The following PTPRS variants were observed in gnomAD, a reference collection of about 807,000 sequenced individuals.
The protein encoded by PTPRS is protein tyrosine phosphatase receptor type S.
Under a neutral mutation model 215.3 loss-of-function variants are expected in PTPRS, and 63 were observed. The observed-to-expected ratio is 0.29, with a 90% CI of 0.24 to 0.36. The LOEUF (loss-of-function observed/expected upper bound fraction) is 0.36, where lower values mean the gene tolerates loss of function less well. PTPRS is among the 10% of genes least tolerant of loss of function. The pLI is 1.00. For synonymous variants in PTPRS, 1,404 were observed against 1,191.4 expected, an observed-to-expected ratio of 1.18 and a Z score of -3.68; for missense variants, 2,258 against 2,825.8, an observed-to-expected ratio of 0.80 and a Z score of 4.56.
chr19:5,227,366 A>G (rs943546174), intron 16 of PTPRS, among the ~76,000 whole-genome samples: 1 of 144,368 alleles, frequency 6.9e-6, no homozygotes, highest in African/African-American at 2.6e-5. Flanking sequence ...CTGATTTTTA[A>G]ATGTTTATTT....
chr19:5,318,349 AAAG>A (rs538085602), intron 1 of PTPRS, among the ~76,000 whole-genome samples: 100 of 152,024 alleles, frequency 6.6e-4, no homozygotes, highest in African/African-American at 1.7e-3. Context: ...AAAAAAAAAA[AAAG>A]AAGAAGAAGA....
chr19:5,235,854 A>G (rs763409704), intron 13 of PTPRS, among the ~76,000 whole-genome samples: 1 of 152,188 alleles, frequency 6.6e-6, no homozygotes, highest in Non-Finnish European at 1.5e-5. Flanking sequence ...CTGTGTGTTA[A>G]AGGCTTATGA....
intron 13 of PTPRS, among the ~76,000 whole-genome samples, chr19:5,231,882 C>G (rs1334351655): frequency 6.6e-6 from 1 of 152,104 alleles, no homozygotes; most frequent in Non-Finnish European, 1.5e-5. Flanking sequence ...ACGTGGTGCA[C>G]AGTAGGTCTT....
intron 1 of PTPRS, among the ~76,000 whole-genome samples, chr19:5,304,400 AATC>A (rs2049408919): frequency 6.6e-6 from 1 of 152,102 alleles, no homozygotes; most frequent in Non-Finnish European, 1.5e-5. Context: ...GGATCGCTTG[AATC>A]CAGGAGGTAG....
At chr19:5,281,705 G>A (rs190309559) in intron 2 of PTPRS, among the ~76,000 whole-genome samples, 8 of 152,290 alleles carry the variant, frequency 5.3e-5, no homozygotes, top group African/African-American at 1.4e-4. Flanking sequence ...CACTGTGGCC[G>A]GGTCAAGAAT....
rs1437876806 is a variant in PTPRS, at chr19:5,210,147, CCCTCAAGT to C, written c.5487+314_5487+321del. On this transcript the variant is annotated intron_variant, in intron 35 of 37. Transcript: ENST00000262963. This position sits in a 1 kb window ranked among gnomAD's most constrained non-coding sequence, Gnocchi z 4.5. ...CCGTCTACCACCCCTCACCCTCAATCCCTCAAGTCCCTTTCAGCCCTTTAACATCATCC... is the reference window on the plus strand; with the variant it reads ...CCGTCTACCACCCCTCACCCTCAATCCCCTTTCAGCCCTTTAACATCATCC... Among the ~76,000 whole-genome samples, 10 of 152,200 alleles carry C rather than the reference CCCTCAAGT, an allele frequency of 6.6e-5. No individual in the cohort carries two copies. The highest frequency in any genetic ancestry group is 2.4e-4 in the African/African-American group (10 of 41,450).
chr19:5,333,010 G>T (rs1438952395), intron 1 of PTPRS, among the ~76,000 whole-genome samples: 1 of 151,850 alleles, frequency 6.6e-6, no homozygotes, highest in Non-Finnish European at 1.5e-5. Context: ...TTAGCCAGAT[G>T]TGGTGGCGGG....
intron 9 of PTPRS, among the ~76,000 whole-genome samples, chr19:5,247,499 AG>A (rs1295320921): frequency 2.6e-5 from 4 of 152,190 alleles, no homozygotes; most frequent in Non-Finnish European, 5.9e-5. Flanking sequence ...TCCTTCTAGC[AG>A]GAAAAGGGGT....
chr19:5,232,973 G>C (rs2043142615), intron 13 of PTPRS, among the ~76,000 whole-genome samples: 1 of 150,486 alleles, frequency 6.6e-6, no homozygotes. Flanking sequence ...CATGCCAAGG[G>C]GAGCGGCAAC....
chr19:5,285,823 A>G (rs2048306242), intron 2 of PTPRS, among the ~76,000 whole-genome samples: 1 of 152,210 alleles, frequency 6.6e-6, no homozygotes, highest in Admixed American at 6.5e-5. Flanking sequence ...CATCATCATT[A>G]CGGTTATTAC....
At chr19:5,300,523 C>G (rs113466007) in intron 1 of PTPRS, among the ~76,000 whole-genome samples, 117 of 151,996 alleles carry the variant, frequency 7.7e-4, no homozygotes, top group African/African-American at 2.6e-3. Context: ...GTAATCCCAA[C>G]ACTTTGGGAG....
At chr19:5,316,365 C>T (rs1225327041) in intron 1 of PTPRS, among the ~76,000 whole-genome samples, 1 of 152,172 alleles carries the variant, frequency 6.6e-6, no homozygotes, top group South Asian at 2.1e-4. Flanking sequence ...CCTCTTGCCC[C>T]AGATTTGCTG....
rs756585549 is a variant in PTPRS at position 5,212,106 on chromosome 19, G to A, written c.4914C>T (p.Tyr1638=). ...CCAGCAGGGCCTCGTGGATGAAGCT[G>A]TACTGGTCCTCCGTCTGCACCATGT... ...RNYMVQTEDQ[Y]SFIHEALLEA... Residue 1638 remains tyrosine, a synonymous_variant, in exon 32 of 38, where the codon TAC becomes TAT. Transcript: ENST00000262963. The A allele has an allele frequency of 2.5e-6, 4 of 1,614,116 alleles. No individual in the cohort carries two copies. Among genetic ancestry groups the A allele is most frequent in the African/African-American group, 2.7e-5 (2 of 75,086 alleles).
Position 5,222,212 on chromosome 19 carries a change from T to G in PTPRS, c.3112A>C (p.Lys1038Gln). 2.5e-6 allele frequency: 4 copies of G among 1,613,614 alleles called. No individual in the cohort carries two copies. The highest frequency in any genetic ancestry group is 3.4e-6 in the Non-Finnish European group (4 of 1,179,850). ...RTFLRDQVSPKNFKVKMIMKT... is the reference protein window; with the variant it reads ...RTFLRDQVSPQNFKVKMIMKT... ...ATGATCATTTTCACCTTGAAGTTCT[T>G]GGGCGAGACTGCCGGGGAGGCGGCC... is the stretch of plus-strand genomic sequence containing the variant. Residue 1038 changes from lysine to glutamine, a missense_variant, in exon 19 of 38, where the codon AAG (lysine) becomes CAG (glutamine). Coordinates refer to ENST00000262963, the MANE Select transcript of PTPRS (RefSeq NM_002850.4).
At position 5,223,241 on chromosome 19, in the gene PTPRS, G is replaced by A. The variant is rs763535247; in HGVS notation, c.2551C>T (p.Arg851Cys). The change falls in exon 18 of 38, where the codon CGC (arginine) becomes TGC (cysteine). Residue 851 changes from arginine to cysteine, a missense_variant. Physicochemically the swap from Arg to Cys is radical, Grantham distance 180. Transcript: ENST00000262963. ...GCGGTGCCAGCCGGGGGCTCCCAGC[G>A]TGCCAGCAGGCTGCCCTCGGGGGTC... is the stretch of plus-strand genomic sequence containing the variant. ...QQTPEGSLLA[R>C]WEPPAGTAED... 1.5e-5 allele frequency: 23 copies of A among 1,486,156 alleles called. No homozygotes were observed. Among genetic ancestry groups the A allele is most frequent in the Middle Eastern group, 3.6e-4 (2 of 5,596 alleles). The allele number at this position is 1,486,156 out of a possible 1,614,324, so 92.1% of individuals were successfully genotyped here.
rs933572873 is a variant in PTPRS, at chr19:5,238,909, A to G, written c.1849+10T>C. 7 of 1,578,274 alleles carry G rather than the reference A, an allele frequency of 4.4e-6. No individual in the cohort carries two copies. The highest frequency in any genetic ancestry group is 2.8e-5 in the African/African-American group (2 of 71,990). On this transcript the variant is annotated intron_variant, in intron 13 of 37. Transcript: ENST00000262963. The stretch of plus-strand genomic sequence containing the variant: ...TCCCGCAGAGAAGGGCGGCCCCGCG[A>G]GACACCTACTGGACTGCAGCGTGCG...
intron 37 of PTPRS, among the ~76,000 whole-genome samples, chr19:5,207,507 C>T (rs1053705993): frequency 6.6e-6 from 1 of 152,150 alleles, no homozygotes; most frequent in Admixed American, 6.6e-5. Flanking sequence ...ACGCCGGGTC[C>T]CCTCTACTCA....
intron 11 of PTPRS, among the ~76,000 whole-genome samples, chr19:5,240,754 G>C (rs1212969551): frequency 1.3e-5 from 2 of 151,586 alleles, no homozygotes; most frequent in African/African-American, 2.4e-5. Flanking sequence ...CAGGAGAATG[G>C]TGCGAACCCG....
chr19:5,215,622 G>A, intron 26 of PTPRS, 27 bp from the exon 27 acceptor site: 2 of 1,558,798 alleles, frequency 1.3e-6, no homozygotes, highest in Non-Finnish European at 1.7e-6. Context: ...ACCCCGCCGG[G>A]GTTGGTCACT....
Sources: gnomAD v4.1 joint callset for allele counts (sites outside exome capture counted in the v4.1 genomes callset) on GRCh38, gnomAD v4.1.1 for gene constraint, Gnocchi (gnomAD v3.1) non-coding constraint, MANE v1.5 for transcripts, NCBI Gene and HGNC (gene_info 2026-07-23, HGNC 2026-07-21) for gene names.